Variants in LMBR1 observed in about 807,000 individuals in gnomAD.
LMBR1 encodes limb development membrane protein 1.
Under a neutral mutation model 73.9 loss-of-function variants are expected in LMBR1, and 52 were observed. The observed-to-expected ratio is 0.70, with a 90% CI of 0.56 to 0.89. The LOEUF (loss-of-function observed/expected upper bound fraction) is 0.89, where lower values mean the gene tolerates loss of function less well. Ranked by LOEUF, LMBR1 falls within the 40% of genes least tolerant of loss-of-function variation. LMBR1 has a pLI of 0.00. For missense variants in LMBR1, 539 were observed against 579.8 expected (o/e 0.93, Z 0.72); for synonymous variants, 215 against 209.4 (o/e 1.03, Z -0.23).
At chr7:156,850,859 G>T (rs1796139455) in intron 1 of LMBR1, among the ~76,000 whole-genome samples, 1 of 152,180 alleles carries the variant, frequency 6.6e-6, no homozygotes, top group African/African-American at 2.4e-5. Flanking sequence ...TGTTGGAGGT[G>T]AACCCTGGTG....
At chr7:156,744,124 A>G (rs1016849218) in intron 9 of LMBR1, among the ~76,000 whole-genome samples, 16 of 152,066 alleles carry the variant, frequency 1.1e-4, no homozygotes, top group Admixed American at 6.5e-5. Context: ...CCCAGGCTGG[A>G]CTCGAACTTC....
At chr7:156,826,535 A>G in intron 4 of LMBR1, 70 bp downstream of exon 4, 1 of 1,073,280 alleles carries the variant, frequency 9.3e-7, no homozygotes, top group Non-Finnish European at 1.2e-6. Flanking sequence ...GAGAAAAGAA[A>G]AATCTAAAAA....
intron 10 of LMBR1, among the ~76,000 whole-genome samples, chr7:156,732,332 T>C (rs561711317): frequency 5.3e-5 from 8 of 152,140 alleles, no homozygotes; most frequent in Non-Finnish European, 1.2e-4. Context: ...CAGGCCGTGA[T>C]GCAGGAAGGA....
intron 1 of LMBR1, among the ~76,000 whole-genome samples, chr7:156,871,624 C>T (rs1272735426): frequency 6.6e-6 from 1 of 152,144 alleles, no homozygotes; most frequent in Non-Finnish European, 1.5e-5. Context: ...GCCTAGGATG[C>T]AAGAATGGTT....
At chr7:156,851,675 C>T (rs1020719082) in intron 1 of LMBR1, among the ~76,000 whole-genome samples, 1 of 151,910 alleles carries the variant, frequency 6.6e-6, no homozygotes, top group African/African-American at 2.4e-5. Context: ...TAAAGATACT[C>T]GCACATAAAA....
intron 5 of LMBR1, among the ~76,000 whole-genome samples, chr7:156,792,089 A>G (rs1443273979): frequency 6.6e-6 from 1 of 152,224 alleles, no homozygotes; most frequent in Non-Finnish European, 1.5e-5. Flanking sequence ...GCCAGAGGTT[A>G]TACCTCCAGA....
chr7:156,868,583 A>G (rs1289162562), intron 1 of LMBR1, among the ~76,000 whole-genome samples: 1 of 151,808 alleles, frequency 6.6e-6, no homozygotes, highest in Non-Finnish European at 1.5e-5. Context: ...GAATTGCTTG[A>G]ACCTTGGAGG....
chr7:156,790,145 T>C (rs1007154169), intron 5 of LMBR1, among the ~76,000 whole-genome samples: 8 of 152,112 alleles, frequency 5.3e-5, no homozygotes, highest in African/African-American at 1.9e-4. Context: ...AAAAATAAAA[T>C]AAAAGCTGAA....
chr7:156,689,265 G>C (rs923169279), intron 15 of LMBR1, among the ~76,000 whole-genome samples: 2 of 152,110 alleles, frequency 1.3e-5, no homozygotes, highest in Non-Finnish European at 2.9e-5. Context: ...AAAAAGGATA[G>C]AGCATTTGGG....
chr7:156,734,314 GGT>G, intron 9 of LMBR1, 57 bp from the exon 10 acceptor site: 1 of 1,068,372 alleles, frequency 9.4e-7, no homozygotes, highest in Non-Finnish European at 1.4e-6. Flanking sequence ...CTATAGAACA[GGT>G]AGCCCTTTAA....
intron 4 of LMBR1, among the ~76,000 whole-genome samples, chr7:156,807,127 C>T (rs531154780): frequency 3.3e-5 from 5 of 152,058 alleles, no homozygotes; most frequent in South Asian, 4.2e-4. Flanking sequence ...ACATTTGATT[C>T]GCTAAAATTG....
At chr7:156,871,397 T>C (rs1381529143) in intron 1 of LMBR1, among the ~76,000 whole-genome samples, 3 of 152,140 alleles carry the variant, frequency 2.0e-5, no homozygotes, top group Non-Finnish European at 2.9e-5. Flanking sequence ...TGTCTCAAAC[T>C]CCTTCAAAAA....
intron 3 of LMBR1, among the ~76,000 whole-genome samples, chr7:156,831,155 A>C (rs1836604087): frequency 6.6e-6 from 1 of 152,140 alleles, no homozygotes; most frequent in Admixed American, 6.5e-5. Flanking sequence ...AAATAAGGTG[A>C]GAGTTAATTC....
chr7:156,721,165 A>T (rs1814479238), intron 15 of LMBR1, among the ~76,000 whole-genome samples: 1 of 152,114 alleles, frequency 6.6e-6, no homozygotes, highest in African/African-American at 2.4e-5. Context: ...TTGGACACTA[A>T]ATAACTTACA....
At chr7:156,676,183 T>G (rs180870199), downstream of LMBR1, 95 of 1,282,134 alleles carry the variant, frequency 7.4e-5, no homozygotes, top group South Asian at 6.1e-5. Context: ...TGGATGTTGC[T>G]TATCACAGGT....
chr7:156,709,031 G>C (rs993237317), intron 15 of LMBR1, among the ~76,000 whole-genome samples: 10 of 152,136 alleles, frequency 6.6e-5, no homozygotes, highest in Non-Finnish European at 1.3e-4. Context: ...GGGAGAATCA[G>C]AACCCAGACC....
intron 9 of LMBR1, among the ~76,000 whole-genome samples, chr7:156,746,260 T>C: frequency 6.6e-6 from 1 of 152,342 alleles, no homozygotes; most frequent in African/African-American, 2.4e-5. Context: ...AATTCCAAAC[T>C]ACATTCATTC....
chr7:156,826,648 A>G lies in LMBR1; in HGVS notation c.276T>C (p.Pro92=), dbSNP rs1563464438. The change falls in exon 4 of 17, where the codon CCT becomes CCC. Residue 92 remains proline, a synonymous_variant. Coordinates refer to ENST00000353442, the MANE Select transcript of LMBR1 (RefSeq NM_022458.4). ...TTAGCCACTGAATATAGTAGTTCTG[A>G]GGAAAAGAAAGCAGGATTTCATTGC... ...IISNEILLSF[P]QNYYIQWLNG... is the part of the protein sequence containing the mutation. 2 of 1,599,056 alleles carry G rather than the reference A, an allele frequency of 1.3e-6. No individual in the cohort carries two copies. The highest frequency in any genetic ancestry group is 3.3e-4 in the Middle Eastern group (2 of 6,046).
chr7:156,688,231 T>C, intron 15 of LMBR1, 40 bp from the exon 16 acceptor site: 2 of 1,430,222 alleles, frequency 1.4e-6, no homozygotes, highest in Non-Finnish European at 1.9e-6. Context: ...TGAAATCAGG[T>C]TAAGACATAT....
Sources: allele counts gnomAD v4.1 joint callset (sites outside exome capture counted in the v4.1 genomes callset), GRCh38; gene constraint gnomAD v4.1.1; transcripts MANE v1.5; gene names NCBI Gene and HGNC (gene_info 2026-07-23, HGNC 2026-07-21).